The following SNAP91 variants were observed in gnomAD, a reference collection of about 807,000 sequenced individuals.
The protein encoded by SNAP91 is synaptosome associated protein 91, also known as clathrin coat assembly protein AP180.
Under a neutral mutation model 100.3 loss-of-function variants are expected in SNAP91, and 27 were observed. The observed-to-expected ratio is 0.27, with a 90% CI of 0.20 to 0.37. The LOEUF (loss-of-function observed/expected upper bound fraction) is 0.37, where lower values mean the gene tolerates loss of function less well. Among genes scored for constraint, SNAP91 ranks in the 10% least tolerant of loss-of-function variants. The pLI, the probability that SNAP91 is intolerant of heterozygous loss-of-function variation, is 1.00. For missense variants in SNAP91, 986 were observed against 1,123.7 expected (o/e 0.88, Z 1.75); for synonymous variants, 404 against 398.6 (o/e 1.01, Z -0.16).
chr6:83,574,808 G>C (rs983907292), intron 26 of SNAP91, among the ~76,000 whole-genome samples: 3 of 151,950 alleles, frequency 2.0e-5, no homozygotes, highest in African/African-American at 7.3e-5. Context: ...CCCACTTCCC[G>C]CAGCAAAACA....
intron 26 of SNAP91, among the ~76,000 whole-genome samples, chr6:83,574,268 T>C (rs1814003574): frequency 6.6e-6 from 1 of 152,140 alleles, no homozygotes; most frequent in Non-Finnish European, 1.5e-5. Context: ...TATAGAAAAA[T>C]TATACAGTTT....
Position 83,659,062 on chromosome 6 carries a change from G to C in SNAP91, c.483C>G (p.Pro161=). Residue 161 remains proline, a synonymous_variant, in exon 6 of 30, where the codon CCC becomes CCG. Coordinates refer to ENST00000369694, the MANE Select transcript of SNAP91 (RefSeq NM_001242792.2). ...GADGVMRTMA[P]EKLLKSMPIL... is the part of the protein sequence containing the mutation. ...TTGGCATACTCTTTAGCAGCTTTTC[G>C]GGAGCCATTGTCCTCATTACACCAT... 9 of 1,603,774 alleles carry C rather than the reference G, an allele frequency of 5.6e-6. No individual in the cohort carries two copies. The highest frequency in any genetic ancestry group is 6.8e-6 in the Non-Finnish European group (8 of 1,175,402).
At chr6:83,622,273 A>G (rs1054642365) in intron 9 of SNAP91, among the ~76,000 whole-genome samples, 2 of 152,064 alleles carry the variant, frequency 1.3e-5, no homozygotes, top group Admixed American at 1.3e-4. Context: ...AGAATTCTTG[A>G]TATTTAATTG....
intron 6 of SNAP91, among the ~76,000 whole-genome samples, chr6:83,657,724 T>C (rs2098441039): frequency 6.6e-6 from 1 of 151,920 alleles, no homozygotes; most frequent in South Asian, 2.1e-4. Flanking sequence ...GAGTTAATAA[T>C]GTCTCTACAT....
At chr6:83,572,094 G>T (rs1257674744) in intron 26 of SNAP91, among the ~76,000 whole-genome samples, 2 of 152,122 alleles carry the variant, frequency 1.3e-5, no homozygotes, top group African/African-American at 4.8e-5. Flanking sequence ...CCCAGTCTCG[G>T]GTATGTCTTT....
intron 6 of SNAP91, among the ~76,000 whole-genome samples, chr6:83,657,368 T>A (rs942892100): frequency 3.3e-5 from 5 of 152,184 alleles, no homozygotes; most frequent in African/African-American, 7.2e-5. Context: ...CAAAGGCACA[T>A]AATTTCTCCC....
chr6:83,568,253 C>A (rs189912525), intron 26 of SNAP91, among the ~76,000 whole-genome samples: 1 of 151,946 alleles, frequency 6.6e-6, no homozygotes, highest in Non-Finnish European at 1.5e-5. Flanking sequence ...GGACAAAAAA[C>A]CAAACACCGC....
chr6:83,592,405 T>C (rs1301662157), intron 21 of SNAP91, 50 bp downstream of exon 21: 3 of 1,233,660 alleles, frequency 2.4e-6, no homozygotes, highest in Non-Finnish European at 1.1e-6. Flanking sequence ...TTAAAAATTA[T>C]TCTGAAGAAA....
At chr6:83,686,534 A>C (rs1432294369) in intron 2 of SNAP91, among the ~76,000 whole-genome samples, 2 of 152,214 alleles carry the variant, frequency 1.3e-5, no homozygotes, top group South Asian at 4.1e-4. Flanking sequence ...TCAGCTAATA[A>C]ATTACTGAAA....
intron 8 of SNAP91, among the ~76,000 whole-genome samples, chr6:83,633,966 GC>G (rs898397391): frequency 2.0e-5 from 3 of 146,544 alleles, no homozygotes; most frequent in Admixed American, 2.0e-4. Flanking sequence ...TGGGGGGAGG[GC>G]GGAGGGATAC....
intron 7 of SNAP91, among the ~76,000 whole-genome samples, chr6:83,650,038 A>G (rs1219971774): frequency 6.6e-6 from 1 of 151,878 alleles, no homozygotes; most frequent in Non-Finnish European, 1.5e-5. Flanking sequence ...TTTTTACCCC[A>G]TAGCTGGCAT....
In SNAP91 at chr6:83,580,537, C is replaced by T. The variant is rs757981329; in HGVS notation, c.2212G>A (p.Val738Ile). ...TMAPAGQPAP[V>I]SMVPPSPAMA... is the part of the protein sequence containing the mutation. ...GCAGGACTGGGTGGTACCATTGAGA[C>T]AGGTGCAGGCTGCCCAGCTGGTGCC... The change falls in exon 24 of 30, where the codon GTC (valine) becomes ATC (isoleucine). Residue 738 changes from valine to isoleucine, a missense_variant. By Grantham distance (29) the Val-to-Ile change is conservative. This residue lies in a region of SNAP91 where 575 missense variants were observed against 579.9 expected (regional missense o/e 0.99). Coordinates refer to ENST00000369694, the MANE Select transcript of SNAP91 (RefSeq NM_001242792.2). The T allele has an allele frequency of 3.1e-6, 5 of 1,613,570 alleles. 1 individual carries two copies. In the South Asian group the frequency reaches 5.5e-5, roughly 18 times the overall value.
chr6:83,673,172 T>C (rs1562606192), intron 2 of SNAP91, among the ~76,000 whole-genome samples: 1 of 151,570 alleles, frequency 6.6e-6, no homozygotes, highest in African/African-American at 2.4e-5. Flanking sequence ...ATTCCTTCCT[T>C]CTTCTCTTTC....
chr6:83,691,667 G>T (rs748221436), intron 2 of SNAP91, among the ~76,000 whole-genome samples: 2 of 152,008 alleles, frequency 1.3e-5, no homozygotes, highest in African/African-American at 4.8e-5. Flanking sequence ...GAAGAACCCA[G>T]GCCCAATAAT....
chr6:83,561,503 A>G lies in SNAP91; in HGVS notation c.2443-556T>C, dbSNP rs1029281332. ...TGATATAAACAAGACTACTGACTTG[A>G]TGTTCTCTGTTATAGAGTCATTTGG... On this transcript the variant is annotated intron_variant, in intron 26 of 29. Coordinates refer to ENST00000369694, the MANE Select transcript of SNAP91 (RefSeq NM_001242792.2). Among the ~76,000 whole-genome samples the G allele has an allele frequency of 9.2e-5, 14 of 152,186 alleles. 1 individual carries two copies. Among genetic ancestry groups the G allele is most frequent in the Admixed American group, 5.9e-4 (9 of 15,282 alleles).
Position 83,682,071 on chromosome 6 carries a change from GA to G in SNAP91, c.131-16491del, listed in dbSNP as rs199588036. Among the ~76,000 whole-genome samples the G allele has an allele frequency of 7.9e-3, 1,202 of 151,272 alleles. 13 individuals are homozygous for G. The highest frequency in any genetic ancestry group is 0.027 in the African/African-American group (1,119 of 41,282). Reference sequence around the variant, plus strand: ...ACTGTTTTCTCTCTCCAATCCTGGAGAAAAAAAGAGTCCTTCCTCCTTCCTA... The same window carrying G: ...ACTGTTTTCTCTCTCCAATCCTGGAGAAAAAAGAGTCCTTCCTCCTTCCTA... On this transcript the variant is annotated intron_variant, in intron 2 of 29. Transcript: ENST00000369694.
chr6:83,624,763 T>C (rs2128425160), intron 8 of SNAP91, among the ~76,000 whole-genome samples: 1 of 152,222 alleles, frequency 6.6e-6, no homozygotes, highest in African/African-American at 2.4e-5. Flanking sequence ...GGAAGCAAAG[T>C]CACTTGCTGT....
chr6:83,647,469 T>C (rs2097984698), intron 7 of SNAP91, among the ~76,000 whole-genome samples: 1 of 152,232 alleles, frequency 6.6e-6, no homozygotes, highest in Non-Finnish European at 1.5e-5. Context: ...TTTTAGCTTA[T>C]TGATGTGGCA....
chr6:83,570,000 T>C (rs1026059684), intron 26 of SNAP91, among the ~76,000 whole-genome samples: 8 of 151,542 alleles, frequency 5.3e-5, no homozygotes, highest in Admixed American at 2.6e-4. Flanking sequence ...ATCAGTAGAG[T>C]GGAGCGCTGC....
Sources: gnomAD v4.1 joint callset for allele counts (sites outside exome capture counted in the v4.1 genomes callset) on GRCh38, gnomAD v4.1.1 for gene constraint, gnomAD v4.1.1 regional missense constraint, MANE v1.5 for transcripts, NCBI Gene and HGNC (gene_info 2026-07-23, HGNC 2026-07-21) for gene names.